Variants in VCAN observed in about 807,000 individuals in gnomAD.
VCAN encodes the protein versican core protein.
Under a neutral mutation model 245.5 loss-of-function variants are expected in VCAN, and 44 were observed. That is an observed-to-expected ratio of 0.18 (90% CI 0.14 to 0.23). VCAN has a LOEUF of 0.23. Among genes scored for constraint, VCAN ranks in the 10% least tolerant of loss-of-function variants. The pLI, the probability that VCAN is intolerant of heterozygous loss-of-function variation, is 1.00. For missense variants in VCAN, 3,793 were observed against 4,057.9 expected (o/e 0.93, Z 1.77); for synonymous variants, 1,413 against 1,437.0 (o/e 0.98, Z 0.38).
chr5:83,538,580 A>C lies in VCAN; in HGVS notation c.5577A>C (p.Ala1859=). 1.2e-6 allele frequency: 2 copies of C among 1,614,058 alleles called. No individual in the cohort carries two copies. Among genetic ancestry groups the C allele is most frequent in the Non-Finnish European group, 1.7e-6 (2 of 1,179,974 alleles). Reference sequence around the variant, plus strand: ...CATTTTCATTAAACGTAGAGTATGCAATTCAAGCCGAAAAGGAAGTAGCTG... The same window carrying C: ...CATTTTCATTAAACGTAGAGTATGCCATTCAAGCCGAAAAGGAAGTAGCTG... ...VSSFSLNVEY[A]IQAEKEVAGT... Residue 1859 remains alanine (A), a synonymous_variant, in exon 8 of 15, where the codon GCA becomes GCC. Coordinates refer to ENST00000265077, the MANE Select transcript of VCAN (RefSeq NM_004385.5).
intron 6 of VCAN, 108 bp downstream of exon 6, chr5:83,512,504 T>G: frequency 7.5e-7 from 1 of 1,334,312 alleles, no homozygotes. Flanking sequence ...TTGCAGTGTG[T>G]GCACGGAATG....
At chr5:83,523,406 A>ATT (rs5869183) in intron 7 of VCAN, among the ~76,000 whole-genome samples, 1 of 142,334 alleles carries the variant, frequency 7.0e-6, no homozygotes, top group African/African-American at 2.6e-5. Flanking sequence ...AGGATAGAAG[A>ATT]TTTTTTTTTT....
At chr5:83,545,207 GT>G in intron 8 of VCAN, 1 of 419,652 alleles carries the variant, frequency 2.4e-6, no homozygotes, top group Non-Finnish European at 4.5e-6. Context: ...GCACATATGT[GT>G]AATCATTTTT....
At position 83,580,765 on chromosome 5, in the gene VCAN, G is replaced by T; in HGVS notation, c.*331G>T. ...AAAATGCTCAATTTCAGCACCGATG[G>T]CCATGTAAATAAGATGATTTAATGT... On this transcript the variant is annotated 3_prime_UTR_variant, in exon 15 of 15. Transcript: ENST00000265077. The T allele has an allele frequency of 2.9e-6, 1 of 348,398 alleles. No homozygotes were observed. The highest frequency in any genetic ancestry group is 7.0e-5 in the East Asian group (1 of 14,234). 21.6% of individuals were successfully genotyped at this position (348,398 alleles called of 1,614,324 possible).
At chr5:83,482,105 G>C (rs559586368) in intron 1 of VCAN, among the ~76,000 whole-genome samples, 28 of 152,238 alleles carry the variant, frequency 1.8e-4, no homozygotes, top group African/African-American at 3.9e-4. Context: ...AAGTTCAAAG[G>C]CATGGTCCAC....
intron 6 of VCAN, among the ~76,000 whole-genome samples, chr5:83,514,621 G>A (rs116132642): frequency 0.13 from 20,439 of 151,730 alleles, 1,744 homozygotes; most frequent in Middle Eastern, 0.18. Context: ...CACCGTGCCC[G>A]GCTAATTTTG....
At chr5:83,558,948 T>C (rs945232330) in intron 12 of VCAN, among the ~76,000 whole-genome samples, 3 of 152,166 alleles carry the variant, frequency 2.0e-5, no homozygotes, top group African/African-American at 7.2e-5. Flanking sequence ...ATTAAGATTA[T>C]TTCTTTTAAT....
chr5:83,498,312 A>G (rs960564027), intron 5 of VCAN, among the ~76,000 whole-genome samples: 1 of 152,124 alleles, frequency 6.6e-6, no homozygotes, highest in African/African-American at 2.4e-5. Context: ...TCTCCTACTA[A>G]ACTATGGATT....
chr5:83,547,544 G>C (rs1309710225), intron 9 of VCAN, among the ~76,000 whole-genome samples: 1 of 152,156 alleles, frequency 6.6e-6, no homozygotes, highest in East Asian at 1.9e-4. Flanking sequence ...GGATGGTGAG[G>C]CCAGTTAGAT....
At chr5:83,552,752 T>G (rs913468871) in intron 10 of VCAN, among the ~76,000 whole-genome samples, 6 of 152,152 alleles carry the variant, frequency 3.9e-5, no homozygotes, top group Non-Finnish European at 8.8e-5. Flanking sequence ...TTGATGCATT[T>G]TCATTGGGCA....
chr5:83,520,975 G>A lies in VCAN; in HGVS notation c.2669G>A (p.Gly890Asp), dbSNP rs201247519. ...AGATTTCAGCCAACTACATCAACTG[G>A]TATTGCAGAAAAGTCAACTTTGAGA... ...TIRFQPTTST[G>D]IAEKSTLRDS... Residue 890 changes from glycine (G) to aspartate (D), a missense_variant, in exon 7 of 15, where the codon GGT (glycine) becomes GAT (aspartate). Around this residue, in one of 5 missense-constraint regions of VCAN, gnomAD observed 3,182 missense variants for 3,250.3 expected, o/e 0.98. Transcript: ENST00000265077. The A allele has an allele frequency of 1.2e-6, 2 of 1,614,042 alleles. No individual in the cohort carries two copies. The highest frequency in any genetic ancestry group is 1.7e-5 in the Admixed American group (1 of 60,008).
At chr5:83,494,960 A>G (rs35447933) in intron 5 of VCAN, among the ~76,000 whole-genome samples, 37,208 of 152,108 alleles carry the variant, frequency 0.24, 5,758 homozygotes, top group Non-Finnish European at 0.34. Context: ...AGCCTAGGTG[A>G]CAGAGTGAGA....
At position 83,582,260 on chromosome 5, in the gene VCAN, C is replaced by T. The variant is rs1374056756; in HGVS notation, c.*1826C>T. 1.3e-5 allele frequency: 2 copies of T among 152,066 alleles called. No homozygotes were observed. The highest frequency in any genetic ancestry group is 2.9e-5 in the Non-Finnish European group (2 of 67,974). The allele number at this position is 152,066 out of a possible 1,614,324, so 9.4% of individuals were successfully genotyped here. On this transcript the variant is annotated 3_prime_UTR_variant, in exon 15 of 15. Coordinates refer to ENST00000265077, the MANE Select transcript of VCAN (RefSeq NM_004385.5). ...AAATCTTTGTAACTTTTTATATCTGCTTTTGTTTCACCAAAGAAACCTAAA... is the reference window on the plus strand; with the variant it reads ...AAATCTTTGTAACTTTTTATATCTGTTTTTGTTTCACCAAAGAAACCTAAA...
chr5:83,581,067 T>C lies in VCAN; in HGVS notation c.*633T>C, dbSNP rs373641863. The C allele has an allele frequency of 6.3e-6, 1 of 158,282 alleles. No homozygotes were observed. The highest frequency in any genetic ancestry group is 2.4e-5 in the African/African-American group (1 of 41,464). The allele number at this position is 158,282 out of a possible 1,614,324, so 9.8% of individuals were successfully genotyped here. Reference sequence around the variant, plus strand: ...CTAAAGGCTGCGAATGGGATCCTGATGGAACTAAGGACTCCAATGTCGAAC... The same window carrying C: ...CTAAAGGCTGCGAATGGGATCCTGACGGAACTAAGGACTCCAATGTCGAAC... On this transcript the variant is annotated 3_prime_UTR_variant, in exon 15 of 15. Coordinates refer to ENST00000265077, the MANE Select transcript of VCAN (RefSeq NM_004385.5).
chr5:83,571,503 T>C (rs758194992), intron 12 of VCAN, among the ~76,000 whole-genome samples: 1 of 152,042 alleles, frequency 6.6e-6, no homozygotes, highest in Non-Finnish European at 1.5e-5. Flanking sequence ...ATGACACATA[T>C]GATGGAAGGC....
chr5:83,546,484 G>A (rs1747226895), intron 9 of VCAN, among the ~76,000 whole-genome samples: 1 of 151,912 alleles, frequency 6.6e-6, no homozygotes, highest in Non-Finnish European at 1.5e-5. Context: ...AGGCCAGCGC[G>A]GTGGTTCAAG....
chr5:83,504,241 T>C (rs1745415586), intron 5 of VCAN, among the ~76,000 whole-genome samples: 1 of 152,206 alleles, frequency 6.6e-6, no homozygotes, highest in Non-Finnish European at 1.5e-5. Flanking sequence ...AGTATTTAAT[T>C]TGAAATTTTG....
intron 12 of VCAN, 120 bp downstream of exon 12, chr5:83,555,158 C>G: frequency 1.0e-6 from 1 of 997,842 alleles, no homozygotes; most frequent in South Asian, 1.3e-5. Context: ...TGCTCAAGGT[C>G]ACTCAGTGAA....
chr5:83,494,465 A>G (rs1745094281), intron 5 of VCAN, among the ~76,000 whole-genome samples: 1 of 152,194 alleles, frequency 6.6e-6, no homozygotes. Context: ...AAAATCACCT[A>G]CTGTGATTTT....
Sources: allele counts gnomAD v4.1 joint callset (sites outside exome capture counted in the v4.1 genomes callset), GRCh38; gene constraint gnomAD v4.1.1; regional missense constraint gnomAD v4.1.1; transcripts MANE v1.5; gene names NCBI Gene and HGNC (gene_info 2026-07-23, HGNC 2026-07-21).